GLIPR1L2: variants seen among roughly 807,000 people sequenced by gnomAD.
GLIPR1L2 encodes the protein GLIPR1 like 2.
A neutral mutation model predicts 28.4 loss-of-function variants in GLIPR1L2; 21 were observed. That is an observed-to-expected ratio of 0.74 (90% CI 0.52 to 1.06). The LOEUF (loss-of-function observed/expected upper bound fraction) is 1.06, where lower values mean the gene tolerates loss of function less well. GLIPR1L2 is among the 50% of genes least tolerant of loss of function. The probability of loss-of-function intolerance (pLI) is 0.00; values close to 1 mark genes in which losing one functional copy is unlikely to be tolerated. For missense variants in GLIPR1L2, 476 were observed against 416.9 expected, an observed-to-expected ratio of 1.14 and a Z score of -1.23; for synonymous variants, 145 against 139.3, an observed-to-expected ratio of 1.04 and a Z score of -0.29.
At chr12:75,428,365 C>G (rs1168572309) in intron 4 of GLIPR1L2, among the ~76,000 whole-genome samples, 1 of 152,014 alleles carries the variant, frequency 6.6e-6, no homozygotes, top group African/African-American at 2.4e-5. Context: ...AATTTCTAAG[C>G]AGAAAAGCAC....
chr12:75,401,661 C>T (rs2045743202), intron 1 of GLIPR1L2, among the ~76,000 whole-genome samples: 1 of 151,958 alleles, frequency 6.6e-6, no homozygotes, highest in African/African-American at 2.4e-5. Context: ...AGAAATTTTA[C>T]ACGCTAAATT....
chr12:75,421,284 T>C lies in GLIPR1L2; in HGVS notation c.585-1620T>C, dbSNP rs116038406. 5.3e-3 allele frequency among the ~76,000 whole-genome samples: 805 copies of C among 152,296 alleles called. 10 individuals are homozygous for C. The highest frequency in any genetic ancestry group is 0.017 in the African/African-American group (690 of 41,566). ...ATAGTTGGATAATAGAACAGTGAAA[T>C]TGAAGAAGTGATATATGATCTACAA... On this transcript the variant is annotated intron_variant, in intron 3 of 5. Transcript: ENST00000550916.
chr12:75,413,902 A>G (rs1156271165), intron 3 of GLIPR1L2, among the ~76,000 whole-genome samples: 1 of 152,058 alleles, frequency 6.6e-6, no homozygotes, highest in East Asian at 1.9e-4. Flanking sequence ...GCCAAATATT[A>G]CTTCCTGGAG....
chr12:75,429,932 T>C (rs538703268), intron 4 of GLIPR1L2, among the ~76,000 whole-genome samples: 3 of 90,864 alleles, frequency 3.3e-5, no homozygotes, highest in African/African-American at 6.8e-5. Context: ...TTCTTTTCTT[T>C]TCTTTCTTTT....
Position 75,432,426 on chromosome 12 carries a change from C to A in GLIPR1L2, c.*1265C>A, listed in dbSNP as rs548639997. On this transcript the variant is annotated 3_prime_UTR_variant, in exon 6 of 6. Transcript: ENST00000550916. ...AGAAATGACATTGAAAGAATCACTG[C>A]ATATCTGATGTTTTCAAATAAAACA... 1 of 151,848 alleles carries A rather than the reference C, an allele frequency of 6.6e-6. No individual in the cohort carries two copies. Among genetic ancestry groups the A allele is most frequent in the East Asian group, 1.9e-4 (1 of 5,166 alleles). The allele number at this position is 151,848 out of a possible 1,614,324, so 9.4% of individuals were successfully genotyped here. A position where few individuals can be genotyped will look rare whatever the true frequency, so the allele number is the denominator to read the frequency against.
At chr12:75,427,116 A>G (rs1271654750) in intron 4 of GLIPR1L2, among the ~76,000 whole-genome samples, 1 of 152,224 alleles carries the variant, frequency 6.6e-6, no homozygotes, top group African/African-American at 2.4e-5. Context: ...GATAGAAAAA[A>G]TAGCTTGTTT....
At chr12:75,420,466 G>C (rs781380618) in intron 3 of GLIPR1L2, among the ~76,000 whole-genome samples, 1 of 152,122 alleles carries the variant, frequency 6.6e-6, no homozygotes, top group Non-Finnish European at 1.5e-5. Flanking sequence ...TCCTTATCTA[G>C]GATCTGGACA....
chr12:75,405,674 T>C (rs974216470), intron 1 of GLIPR1L2, among the ~76,000 whole-genome samples: 3 of 152,100 alleles, frequency 2.0e-5, no homozygotes, highest in Non-Finnish European at 4.4e-5. Context: ...CAACCCACTT[T>C]CATGAGAACA....
chr12:75,410,396 A>G, intron 1 of GLIPR1L2, 38 bp from the exon 2 acceptor site: 1 of 1,445,764 alleles, frequency 6.9e-7, no homozygotes, highest in Non-Finnish European at 9.1e-7. Context: ...ACAAAAAAAA[A>G]CTTATTTTGT....
chr12:75,417,203 A>T (rs2045931618), intron 3 of GLIPR1L2, among the ~76,000 whole-genome samples: 1 of 152,130 alleles, frequency 6.6e-6, no homozygotes, highest in Non-Finnish European at 1.5e-5. Context: ...AAATGCAATC[A>T]CATGTATACT....
At chr12:75,392,149 A>G (rs1219761237) in intron 1 of GLIPR1L2, among the ~76,000 whole-genome samples, 1 of 152,208 alleles carries the variant, frequency 6.6e-6, no homozygotes, top group Non-Finnish European at 1.5e-5. Flanking sequence ...TGCAAGGACT[A>G]CTTTCCTAGA....
chr12:75,397,735 T>G (rs1021660599), intron 1 of GLIPR1L2, among the ~76,000 whole-genome samples: 3 of 152,176 alleles, frequency 2.0e-5, no homozygotes, highest in Non-Finnish European at 2.9e-5. Context: ...ATGACATGAC[T>G]TTTTTCCATC....
At chr12:75,408,051 A>G (rs1268181805) in intron 1 of GLIPR1L2, among the ~76,000 whole-genome samples, 2 of 152,182 alleles carry the variant, frequency 1.3e-5, no homozygotes, top group African/African-American at 2.4e-5. Flanking sequence ...CCTGTTACCT[A>G]TAAGAGAGTA....
At chr12:75,416,020 A>T (rs1313576427) in intron 3 of GLIPR1L2, among the ~76,000 whole-genome samples, 2 of 152,050 alleles carry the variant, frequency 1.3e-5, no homozygotes, top group Admixed American at 1.3e-4. Flanking sequence ...GGATCTTGTG[A>T]TTCATCTTAG....
At chr12:75,407,600 A>G (rs1337628146) in intron 1 of GLIPR1L2, among the ~76,000 whole-genome samples, 2 of 152,126 alleles carry the variant, frequency 1.3e-5, no homozygotes, top group Non-Finnish European at 2.9e-5. Context: ...TGTTTATCTT[A>G]CACATAGAAA....
chr12:75,427,885 C>T (rs369898173), intron 4 of GLIPR1L2, among the ~76,000 whole-genome samples: 4 of 152,200 alleles, frequency 2.6e-5, no homozygotes, highest in African/African-American at 9.7e-5. Flanking sequence ...CCTGAGGCCT[C>T]TCCAGCCATG....
intron 2 of GLIPR1L2, among the ~76,000 whole-genome samples, chr12:75,411,907 T>C (rs182787526): frequency 3.3e-5 from 5 of 152,150 alleles, no homozygotes; most frequent in Middle Eastern, 3.4e-3. Context: ...ATTAAAGTTT[T>C]ACAGATAATT....
Position 75,425,771 on chromosome 12 carries a change from G to A in GLIPR1L2, c.670+2782G>A, listed in dbSNP as rs904253997. Among the ~76,000 whole-genome samples, 29 of 152,036 alleles carry A rather than the reference G, an allele frequency of 1.9e-4. 1 individual carries two copies. Among genetic ancestry groups the A allele is most frequent in the Admixed American group, 7.9e-4 (12 of 15,264 alleles). ...GGGCTAGAGACAATGATGGGAGATC[G>A]GAAGCATACTGGGGGATTGATCAAA... is the stretch of plus-strand genomic sequence containing the variant. On this transcript the variant is annotated intron_variant, in intron 4 of 5. Coordinates refer to ENST00000550916, the MANE Select transcript of GLIPR1L2 (RefSeq NM_001270396.2).
At chr12:75,394,310 T>C (rs1008883338) in intron 1 of GLIPR1L2, among the ~76,000 whole-genome samples, 1 of 152,062 alleles carries the variant, frequency 6.6e-6, no homozygotes, top group Non-Finnish European at 1.5e-5. Flanking sequence ...TATGTATTTT[T>C]TGTCGTATCC....
Sources: allele counts gnomAD v4.1 joint callset (sites outside exome capture counted in the v4.1 genomes callset), GRCh38; gene constraint gnomAD v4.1.1; transcripts MANE v1.5; gene names NCBI Gene and HGNC (gene_info 2026-07-23, HGNC 2026-07-21).